TAF6L: variants seen among roughly 807,000 people sequenced by gnomAD.
TAF6L encodes TAF6-like RNA polymerase II p300/CBP-associated factor-associated factor 65 kDa subunit 6L.
In TAF6L, 34 loss-of-function variants were observed where a neutral mutation model predicts 57.3. The ratio of observed to expected loss-of-function variants is 0.59; its 90% CI spans 0.45 to 0.79. The LOEUF (loss-of-function observed/expected upper bound fraction) is 0.79, where lower values mean the gene tolerates loss of function less well. TAF6L is among the 30% of genes least tolerant of loss of function. The probability of loss-of-function intolerance (pLI) is 0.00; values close to 1 mark genes in which losing one functional copy is unlikely to be tolerated. For synonymous variants in TAF6L, 417 were observed against 376.3 expected (o/e 1.11, Z -1.25); for missense variants, 782 against 853.2 (o/e 0.92, Z 1.04).
intron 3 of TAF6L, among the ~76,000 whole-genome samples, chr11:62,776,876 C>G (rs2084192043): frequency 6.7e-6 from 1 of 148,926 alleles, no homozygotes; most frequent in Admixed American, 6.7e-5. Context: ...AGGCCGGGCA[C>G]AGGAGCTTAC....
In TAF6L at chr11:62,775,795, A is replaced by C; in HGVS notation, c.12A>C (p.Arg4=). MSE[R]EERRFVEIPR... ...GCTCCACTGGGGCCATGTCAGAGCG[A>C]GAAGAGCGGCGGTTTGTGGAGATCC... Residue 4 remains arginine (R), a synonymous_variant, in exon 2 of 11, where the codon CGA becomes CGC. Coordinates refer to ENST00000294168, the MANE Select transcript of TAF6L (RefSeq NM_006473.4). 1 of 1,609,396 alleles carries C rather than the reference A, an allele frequency of 6.2e-7. No homozygotes were observed. The highest frequency in any genetic ancestry group is 8.5e-7 in the Non-Finnish European group (1 of 1,179,694).
Position 62,771,447 on chromosome 11 carries a change from C to G in TAF6L, c.-57C>G, listed in dbSNP as rs1205319205. 6.4e-6 allele frequency: 1 copy of G among 157,472 alleles called. No homozygotes were observed. The highest frequency in any genetic ancestry group is 2.4e-5 in the African/African-American group (1 of 41,474). The allele number at this position is 157,472 out of a possible 1,614,324, so 9.8% of individuals were successfully genotyped here. A position where few individuals can be genotyped will look rare whatever the true frequency, so the allele number is the denominator to read the frequency against. ...TGGGCGCCGCCGCCACCGCCCCCGCCGCCGTCGTCTCGGTAGCAGCCTTCG... is the reference window on the plus strand; with the variant it reads ...TGGGCGCCGCCGCCACCGCCCCCGCGGCCGTCGTCTCGGTAGCAGCCTTCG... On this transcript the variant is annotated 5_prime_UTR_variant, in exon 1 of 11. Coordinates refer to ENST00000294168, the MANE Select transcript of TAF6L (RefSeq NM_006473.4).
intron 9 of TAF6L, among the ~76,000 whole-genome samples, chr11:62,785,491 T>C (rs1463018509): frequency 7.2e-6 from 1 of 139,060 alleles, no homozygotes; most frequent in Non-Finnish European, 1.6e-5. Context: ...AGCGCCCGGC[T>C]GGTATTTTCC....
intron 1 of TAF6L, chr11:62,774,726 C>T (rs2084172686): frequency 2.2e-6 from 1 of 450,074 alleles, no homozygotes; most frequent in African/African-American, 2.0e-5. Flanking sequence ...AGACCAAACA[C>T]ATAGGCAGAA....
chr11:62,779,866 G>A (rs1469545491), intron 6 of TAF6L, among the ~76,000 whole-genome samples: 5 of 132,680 alleles, frequency 3.8e-5, no homozygotes, highest in African/African-American at 8.5e-5. Flanking sequence ...AGGTTTCACC[G>A]TGTTGGCCAG....
chr11:62,776,112 C>T (rs946548648), intron 2 of TAF6L, among the ~76,000 whole-genome samples, 182 bp downstream of exon 2: 14 of 152,212 alleles, frequency 9.2e-5, no homozygotes, highest in Admixed American at 9.2e-4. Context: ...AAGCGCTTGC[C>T]AGGCATCTTC....
At chr11:62,778,182 AGTG>A in intron 4 of TAF6L, 54 bp downstream of exon 4, 6 of 1,613,754 alleles carry the variant, frequency 3.7e-6, no homozygotes, top group Non-Finnish European at 5.1e-6. Context: ...CGTGAAGAGA[AGTG>A]GTGATGGGCT....
intron 5 of TAF6L, chr11:62,778,612 G>T: frequency 1.6e-6 from 1 of 612,390 alleles, no homozygotes; most frequent in South Asian, 2.0e-5. Context: ...ATGCTGAGCA[G>T]AGCTTCACAG....
intron 1 of TAF6L, 134 bp downstream of exon 1, chr11:62,771,624 C>G (rs1234429234): frequency 5.6e-6 from 1 of 179,670 alleles, no homozygotes; most frequent in Non-Finnish European, 1.2e-5. Context: ...GACCCCTGAC[C>G]TCCTCCCCCC....
rs139413937 is a variant in TAF6L, at chr11:62,776,427, C to T, written c.191C>T (p.Thr64Met). The T allele has an allele frequency of 8.4e-5, 136 of 1,613,636 alleles. No homozygotes were observed. Among genetic ancestry groups the T allele is most frequent in the Admixed American group, 1.0e-4 (6 of 59,982 alleles). The part of the protein sequence containing the change: ...FMKHTKRRKL[T>M]VEDFNRALRW... ...AAGCACACCAAACGCCGGAAGCTGA[C>T]GGTTGAGGACTTCAACAGGGCCCTC... The change falls in exon 3 of 11, where the codon ACG (threonine) becomes ATG (methionine). Residue 64 changes from threonine (T) to methionine (M), a missense_variant. By Grantham distance (81) the Thr-to-Met change is moderately conservative. Around this residue, in one of 3 missense-constraint regions of TAF6L, gnomAD observed 220 missense variants for 252.1 expected, o/e 0.87. Coordinates refer to ENST00000294168, the MANE Select transcript of TAF6L (RefSeq NM_006473.4).
At chr11:62,771,775 G>A (rs1001205308) in intron 1 of TAF6L, 8 of 227,486 alleles carry the variant, frequency 3.5e-5, no homozygotes, top group African/African-American at 1.8e-4. Context: ...GGAGGCTGAG[G>A]AGCGGGAGAC....
At position 62,786,603 on chromosome 11, in the gene TAF6L, G is replaced by A; in HGVS notation, c.1176G>A (p.Leu392=). 1 of 1,586,024 alleles carries A rather than the reference G, an allele frequency of 6.3e-7. No individual in the cohort carries two copies. The highest frequency in any genetic ancestry group is 8.6e-7 in the Non-Finnish European group (1 of 1,165,814). ...CAGGTGGCAGGGGGTGCCGGCGCCT[G>A]GACGACCTGCCATGGGACAGCCTTC... ...GGPGGRGCRR[L]DDLPWDSLLF... is the part of the protein sequence containing the mutation. Residue 392 remains leucine, a synonymous_variant, in exon 11 of 11, where the codon CTG becomes CTA. Coordinates refer to ENST00000294168, the MANE Select transcript of TAF6L (RefSeq NM_006473.4).
intron 6 of TAF6L, among the ~76,000 whole-genome samples, chr11:62,781,247 AAAAAG>A (rs1371601112): frequency 1.3e-5 from 2 of 151,958 alleles, no homozygotes; most frequent in Non-Finnish European, 2.9e-5. Flanking sequence ...AAGAAAAAAA[AAAAAG>A]AAAAAGAAAC....
At position 62,778,318 on chromosome 11, in the gene TAF6L, T is replaced by C; in HGVS notation, c.419T>C (p.Leu140Pro). ...HVSYLDGKGN[L>P]APQGSVPSAV... The stretch of plus-strand genomic sequence containing the variant: ...TCCTACCTGGATGGCAAAGGGAACC[T>C]GGCACCTCAAGGATCGGGTAAGGGG... The change falls in exon 5 of 11, where the codon CTG (leucine) becomes CCG (proline). Residue 140 changes from leucine (L) to proline (P), a missense_variant. Leu to Pro is a moderately conservative substitution (Grantham distance 98). This residue lies in a region of TAF6L where 220 missense variants were observed against 252.1 expected (regional missense o/e 0.87). Transcript: ENST00000294168. 6.2e-7 allele frequency: 1 copy of C among 1,614,180 alleles called. No individual in the cohort carries two copies. Among genetic ancestry groups the C allele is most frequent in the South Asian group, 1.1e-5 (1 of 91,084 alleles).
intron 9 of TAF6L, among the ~76,000 whole-genome samples, chr11:62,785,305 C>T (rs1011705005): frequency 5.9e-5 from 9 of 151,914 alleles, no homozygotes; most frequent in African/African-American, 2.2e-4. Flanking sequence ...GATTCTCCTG[C>T]TTCAGCCTCC....
chr11:62,780,894 G>A (rs961200603), intron 6 of TAF6L, among the ~76,000 whole-genome samples: 8 of 144,462 alleles, frequency 5.5e-5, no homozygotes, highest in South Asian at 2.2e-4. Flanking sequence ...CCGAGATCGC[G>A]CCACCGCACT....
Position 62,787,314 on chromosome 11 carries a change from TC to T in TAF6L, c.*20del. 2 of 1,526,768 alleles carry T rather than the reference TC, an allele frequency of 1.3e-6. No individual in the cohort carries two copies. 94.6% of individuals were successfully genotyped at this position (1,526,768 alleles called of 1,614,324 possible). A position where few individuals can be genotyped will look rare whatever the true frequency, so the allele number is the denominator to read the frequency against. ...CGCTCTGAGTCAGTGGCCCCTTCGT[TC>T]CTTGTAAATAAATCCCGCCCCCGGA... On this transcript the variant is annotated 3_prime_UTR_variant, in exon 11 of 11. Coordinates refer to ENST00000294168, the MANE Select transcript of TAF6L (RefSeq NM_006473.4).
Position 62,787,083 on chromosome 11 carries a change from C to T in TAF6L, c.1656C>T (p.Phe552=), listed in dbSNP as rs1209888910. ...GTRDVFQKSR[F]APRGAPHFRF... is the part of the protein sequence containing the mutation. ...GCGACGTTTTCCAGAAGAGCCGTTT[C>T]GCCCCGCGCGGCGCCCCGCACTTTC... Residue 552 remains phenylalanine, a synonymous_variant, in exon 11 of 11, where the codon TTC becomes TTT. Transcript: ENST00000294168. 3 of 1,536,530 alleles carry T rather than the reference C, an allele frequency of 2.0e-6. No individual in the cohort carries two copies. The highest frequency in any genetic ancestry group is 2.6e-6 in the Non-Finnish European group (3 of 1,148,498).
chr11:62,778,464 G>C (rs973472516), intron 5 of TAF6L, 129 bp downstream of exon 5: 1 of 1,149,808 alleles, frequency 8.7e-7, no homozygotes. Flanking sequence ...GCCATGGTCT[G>C]AGTGGGCGCT....
Sources: allele counts gnomAD v4.1 joint callset (sites outside exome capture counted in the v4.1 genomes callset), GRCh38; gene constraint gnomAD v4.1.1; regional missense constraint gnomAD v4.1.1; transcripts MANE v1.5; gene names NCBI Gene and HGNC (gene_info 2026-07-23, HGNC 2026-07-21).